IL1RAPL1: variants seen among roughly 807,000 people sequenced by gnomAD.
The protein encoded by IL1RAPL1 is interleukin-1 receptor accessory protein-like 1.
A neutral mutation model predicts 48.4 loss-of-function variants in IL1RAPL1; 3 were observed. The observed-to-expected ratio is 0.06, with a 90% CI of 0.03 to 0.16. The LOEUF (loss-of-function observed/expected upper bound fraction) is 0.16, where lower values mean the gene tolerates loss of function less well. Among genes scored for constraint, IL1RAPL1 ranks in the 10% least tolerant of loss-of-function variants. The pLI is 1.00. For synonymous variants in IL1RAPL1, 185 were observed against 187.7 expected (o/e 0.99, Z 0.12); for missense variants, 349 against 530.6 (o/e 0.66, Z 3.36).
In IL1RAPL1 at chrX:29,803,111, GTA is replaced by G. The variant is rs772610137; in HGVS notation, c.779-114347_779-114346del. Among the ~76,000 whole-genome samples the G allele has an allele frequency of 4.2e-4, 38 of 89,435 alleles. No homozygotes were observed. In the South Asian group the frequency reaches 0.017, roughly 40 times the overall value. 77.7% of individuals were successfully genotyped at this position (89,435 alleles called of 115,157 possible). The stretch of plus-strand genomic sequence containing the variant: ...TATATGTATACATGTATACATATAT[GTA>G]TATATGTGTATACATGTATGCATAT... On this transcript the variant is annotated intron_variant, in intron 6 of 10. Coordinates refer to ENST00000378993, the MANE Select transcript of IL1RAPL1 (RefSeq NM_014271.4).
intron 3 of IL1RAPL1, among the ~76,000 whole-genome samples, chrX:29,365,352 T>G (rs1302338660): frequency 8.9e-6 from 1 of 112,304 alleles, no homozygotes; most frequent in East Asian, 2.8e-4. Flanking sequence ...CAAGAAAGAT[T>G]TCCTATAGCC....
At chrX:29,250,916 C>T (rs1319783515) in intron 2 of IL1RAPL1, among the ~76,000 whole-genome samples, 2 of 111,857 alleles carry the variant, frequency 1.8e-5, no homozygotes, top group East Asian at 5.6e-4. Flanking sequence ...TGAGCCACCT[C>T]AATCCCATCT....
chrX:28,696,253 A>G (rs1423728106), intron 1 of IL1RAPL1, among the ~76,000 whole-genome samples: 1 of 111,000 alleles, frequency 9.0e-6, no homozygotes, highest in African/African-American at 3.3e-5. Context: ...AAGTGTGTGT[A>G]CTTTCATTTT....
In IL1RAPL1 at chrX:28,636,151, C is replaced by A. The variant is rs759769785; in HGVS notation, c.-25+48104C>A. Among the ~76,000 whole-genome samples, 1,055 of 112,110 alleles carry A rather than the reference C, an allele frequency of 9.4e-3. 10 individuals are homozygous for A. Among genetic ancestry groups the A allele is most frequent in the African/African-American group, 0.032 (986 of 30,908 alleles). Reference sequence around the variant, plus strand: ...GGCATTATTTTCCCACCTGGAATGTCATCTCTTTCTTTTATCTATGTTTCT... The same window carrying A: ...GGCATTATTTTCCCACCTGGAATGTAATCTCTTTCTTTTATCTATGTTTCT... On this transcript the variant is annotated intron_variant, in intron 1 of 10. Coordinates refer to ENST00000378993, the MANE Select transcript of IL1RAPL1 (RefSeq NM_014271.4).
chrX:28,772,421 C>T (rs1936319835), intron 1 of IL1RAPL1, among the ~76,000 whole-genome samples: 1 of 111,167 alleles, frequency 9.0e-6, no homozygotes, highest in Non-Finnish European at 1.9e-5. Flanking sequence ...GCCTATTTTT[C>T]CAGGAACAAG....
intron 5 of IL1RAPL1, among the ~76,000 whole-genome samples, chrX:29,490,899 T>C (rs1935153181): frequency 9.1e-6 from 1 of 109,480 alleles, no homozygotes; most frequent in Non-Finnish European, 1.9e-5. Context: ...TAGTTTTTTA[T>C]AAATGTGTTT....
At chrX:29,095,066 AT>A (rs1928185326) in intron 2 of IL1RAPL1, among the ~76,000 whole-genome samples, 1 of 110,105 alleles carries the variant, frequency 9.1e-6, no homozygotes, top group African/African-American at 3.3e-5. Flanking sequence ...TTATTATTTT[AT>A]TTTTAGTATA....
At position 29,954,550 on chromosome X, in the gene IL1RAPL1, A is replaced by G. The variant is rs370174489; in HGVS notation, c.1230A>G (p.Ser410=). ...GDNKDYDAYL[S]YTKVDPDQWN... ...ATAAAGATTATGATGCATACTTATC[A>G]TACACCAAAGTGGATCCTGACCAGT... Residue 410 remains serine, a synonymous_variant, in exon 10 of 11, where the codon TCA becomes TCG. Transcript: ENST00000378993. The G allele has an allele frequency of 8.3e-6, 10 of 1,209,519 alleles. No homozygotes were observed. The African/African-American group carries it at 1.0e-4, about 13-fold the overall frequency.
chrX:29,793,931 C>T (rs5927208), intron 6 of IL1RAPL1, among the ~76,000 whole-genome samples: 39,253 of 110,655 alleles, frequency 0.35, 4,986 homozygotes, highest in South Asian at 0.46. Flanking sequence ...TTAAAATTAC[C>T]GTCACCAATC....
intron 5 of IL1RAPL1, among the ~76,000 whole-genome samples, chrX:29,474,071 G>A (rs1049489506): frequency 6.3e-5 from 7 of 111,705 alleles, no homozygotes; most frequent in Admixed American, 1.9e-4. Context: ...AAGAAAGGAC[G>A]CATTTTTCAT....
intron 2 of IL1RAPL1, among the ~76,000 whole-genome samples, chrX:29,216,301 C>T (rs1359370875): frequency 9.0e-6 from 1 of 110,848 alleles, no homozygotes; most frequent in Non-Finnish European, 1.9e-5. Flanking sequence ...GTGATCCTCC[C>T]ACCTCAGCCT....
rs1439248605 is a variant in IL1RAPL1, at chrX:29,562,091, GTCTATCTATCTATCTATCTATCTAA to G, written c.704-106314_704-106290del. Among the ~76,000 whole-genome samples the G allele has an allele frequency of 6.7e-3, 577 of 86,309 alleles. 13 individuals carry two copies. The highest frequency in any genetic ancestry group is 0.025 in the African/African-American group (552 of 22,228). The allele number at this position is 86,309 out of a possible 115,157, so 74.9% of individuals were successfully genotyped here. On this transcript the variant is annotated intron_variant, in intron 5 of 10. Coordinates refer to ENST00000378993, the MANE Select transcript of IL1RAPL1 (RefSeq NM_014271.4). ...ATCTATCTATCTATCTAATCTATCTGTCTATCTATCTATCTATCTATCTAATCTATCTATCTATCTATCTATCTAT... is the reference window on the plus strand; with the variant it reads ...ATCTATCTATCTATCTAATCTATCTGTCTATCTATCTATCTATCTATCTAT...
chrX:28,881,754 G>T (rs759708951), intron 2 of IL1RAPL1, among the ~76,000 whole-genome samples: 2 of 111,231 alleles, frequency 1.8e-5, no homozygotes, highest in Non-Finnish European at 3.8e-5. Context: ...CACCGGAAGG[G>T]TTTACCAGCA....
At chrX:28,594,111 C>T (rs1380008904) in intron 1 of IL1RAPL1, among the ~76,000 whole-genome samples, 2 of 111,481 alleles carry the variant, frequency 1.8e-5, no homozygotes, top group African/African-American at 3.3e-5. Flanking sequence ...CTTGGAGTAA[C>T]TCCTGCAGCT....
chrX:29,510,001 C>A (rs2147766011), intron 5 of IL1RAPL1, among the ~76,000 whole-genome samples: 1 of 112,026 alleles, frequency 8.9e-6, no homozygotes, highest in South Asian at 3.7e-4. Context: ...AAAACAGAAT[C>A]TGATTTTTAC....
chrX:28,956,557 A>T (rs1166192281), intron 2 of IL1RAPL1, among the ~76,000 whole-genome samples: 2 of 103,345 alleles, frequency 1.9e-5, no homozygotes, highest in African/African-American at 7.0e-5. Flanking sequence ...TATATGCTGG[A>T]TTACATTTAT....
chrX:29,813,490 A>G (rs967754735), intron 6 of IL1RAPL1, among the ~76,000 whole-genome samples: 4 of 111,784 alleles, frequency 3.6e-5, no homozygotes, highest in Non-Finnish European at 7.5e-5. Flanking sequence ...TTGTATCATT[A>G]TTTTCTAGCA....
chrX:29,344,259 A>G (rs1443811298), intron 3 of IL1RAPL1, among the ~76,000 whole-genome samples: 1 of 112,187 alleles, frequency 8.9e-6, no homozygotes, highest in Admixed American at 9.5e-5. Flanking sequence ...ATAAATTGAA[A>G]TAGAAAGCCA....
intron 1 of IL1RAPL1, among the ~76,000 whole-genome samples, chrX:28,608,458 A>G (rs1191770110): frequency 8.9e-6 from 1 of 112,345 alleles, no homozygotes; most frequent in Non-Finnish European, 1.9e-5. Flanking sequence ...TATTTGGATT[A>G]CAATAAATTC....
Sources: allele counts gnomAD v4.1 joint callset (sites outside exome capture counted in the v4.1 genomes callset), GRCh38; gene constraint gnomAD v4.1.1; transcripts MANE v1.5; gene names NCBI Gene and HGNC (gene_info 2026-07-23, HGNC 2026-07-21).